Variants in GPR89B observed in about 807,000 individuals in gnomAD.
GPR89B encodes the protein golgi pH regulator B.
Under a neutral mutation model 52.4 loss-of-function variants are expected in GPR89B, and 25 were observed. That is an observed-to-expected ratio of 0.48 (90% CI 0.35 to 0.67). The LOEUF is 0.67. GPR89B is among the 30% of genes least tolerant of loss of function. The probability of loss-of-function intolerance (pLI) is 0.01; values close to 1 mark genes in which losing one functional copy is unlikely to be tolerated. For missense variants in GPR89B, 146 were observed against 450.2 expected, an observed-to-expected ratio of 0.32 and a Z score of 6.11; for synonymous variants, 52 against 151.2, an observed-to-expected ratio of 0.34 and a Z score of 4.81.
At chr1:147,961,817 A>G (rs1308174361) in intron 7 of GPR89B, among the ~76,000 whole-genome samples, 4 of 152,094 alleles carry the variant, frequency 2.6e-5, no homozygotes, top group African/African-American at 7.3e-5. Context: ...AAAAAATCAA[A>G]TAAGATATAA....
In GPR89B at chr1:147,952,171, A is replaced by G. The variant is rs367562848; in HGVS notation, c.416-1174A>G. On this transcript the variant is annotated intron_variant, in intron 5 of 13. Coordinates refer to ENST00000314163, the MANE Select transcript of GPR89B (RefSeq NM_016334.5). ...CCAAGGGCAAGATAAGGATTAGTCA[A>G]TAGTGTGAGAGCTCTCTTAGGTCTG... is the stretch of plus-strand genomic sequence containing the variant. 1.2e-4 allele frequency among the ~76,000 whole-genome samples: 19 copies of G among 152,258 alleles called. No individual in the cohort carries two copies. In the East Asian group the frequency reaches 1.7e-3, roughly 14 times the overall value.
chr1:147,992,463 A>G, intron 12 of GPR89B, 39 bp from the exon 13 acceptor site: 2 of 1,606,734 alleles, frequency 1.2e-6, no homozygotes, highest in Non-Finnish European at 1.7e-6. Flanking sequence ...ACAGGAATCT[A>G]ACAGTACTGC....
At chr1:147,930,766 G>A (rs1259119743) in intron 1 of GPR89B, among the ~76,000 whole-genome samples, 2 of 151,758 alleles carry the variant, frequency 1.3e-5, no homozygotes, top group African/African-American at 4.8e-5. Context: ...TTATTGATGG[G>A]ACCCTGGCTC....
At chr1:147,988,747 C>T (rs1417683828) in intron 12 of GPR89B, among the ~76,000 whole-genome samples, 1 of 150,776 alleles carries the variant, frequency 6.6e-6, no homozygotes, top group African/African-American at 2.4e-5. Flanking sequence ...GCCTGTAGTC[C>T]CAACTACTTG....
chr1:147,995,491 G>A (rs1659295512), downstream of GPR89B: 2 of 1,361,646 alleles, frequency 1.5e-6, no homozygotes, highest in Non-Finnish European at 2.0e-6. Context: ...TCATTTTCTA[G>A]TTTTAAAAAA....
chr1:147,973,334 C>T (rs1657611166), intron 10 of GPR89B, among the ~76,000 whole-genome samples: 1 of 152,044 alleles, frequency 6.6e-6, no homozygotes, highest in African/African-American at 2.4e-5. Context: ...TGTTTCTTGA[C>T]TTTTTAATAA....
Position 147,928,843 on chromosome 1 carries a change from G to T in GPR89B, c.42+265G>T, listed in dbSNP as rs1260566440. The T allele has an allele frequency of 3.9e-5, 7 of 178,342 alleles. No homozygotes were observed. The Admixed American group carries it at 4.6e-4, about 12-fold the overall frequency. 11.0% of individuals were successfully genotyped at this position (178,342 alleles called of 1,614,324 possible). A position where few individuals can be genotyped will look rare whatever the true frequency, so the allele number is the denominator to read the frequency against. ...GGTCCACTTTTGGAAGCGGTCCGCC[G>T]ACCTCCAGGCTAAGAGCCGGCGCCG... On this transcript the variant is annotated intron_variant, in intron 1 of 13. Transcript: ENST00000314163.
At chr1:148,016,029 G>A in the GPR89B span, among the ~76,000 whole-genome samples, 3 of 148,362 alleles carry the variant, frequency 2.0e-5, no homozygotes, top group Admixed American at 6.7e-5. Context: ...TTGCTTTTAC[G>A]CATGTTATAA....
intron 5 of GPR89B, among the ~76,000 whole-genome samples, chr1:147,952,034 T>C (rs1655754475): frequency 6.6e-6 from 1 of 151,966 alleles, no homozygotes; most frequent in Non-Finnish European, 1.5e-5. Context: ...AGAGTGAAGG[T>C]AGTTTATGGC....
At chr1:147,956,524 C>T (rs1656127025) in intron 7 of GPR89B, among the ~76,000 whole-genome samples, 1 of 151,418 alleles carries the variant, frequency 6.6e-6, no homozygotes, top group East Asian at 1.9e-4. Context: ...ATGAACATTC[C>T]AAAAATGAAA....
chr1:147,986,458 A>G (rs1215706699), intron 11 of GPR89B, among the ~76,000 whole-genome samples, 164 bp downstream of exon 11: 1 of 152,036 alleles, frequency 6.6e-6, no homozygotes, highest in African/African-American at 2.4e-5. Context: ...TTATATTTTG[A>G]TGTATTCACA....
chr1:147,958,354 G>T lies in GPR89B; in HGVS notation c.617+3952G>T, dbSNP rs1320900192. On this transcript the variant is annotated intron_variant, in intron 7 of 13. Coordinates refer to ENST00000314163, the MANE Select transcript of GPR89B (RefSeq NM_016334.5). Reference sequence around the variant, plus strand: ...ACTGTATTTCTTTTATTCATATAAAGAAATGAATATATAAAAGTGAAGTCA... The same window carrying T: ...ACTGTATTTCTTTTATTCATATAAATAAATGAATATATAAAAGTGAAGTCA... 1.3e-5 allele frequency among the ~76,000 whole-genome samples: 2 copies of T among 151,516 alleles called. 1 individual carries two copies. The highest frequency in any genetic ancestry group is 4.9e-5 in the African/African-American group (2 of 41,044).
At chr1:147,948,858 TAAAC>T (rs1655241866) in intron 5 of GPR89B, among the ~76,000 whole-genome samples, 1 of 150,930 alleles carries the variant, frequency 6.6e-6, no homozygotes, top group African/African-American at 2.4e-5. Context: ...GGTCAGCAGA[TAAAC>T]AAGTGAACAA....
the GPR89B span, among the ~76,000 whole-genome samples, chr1:148,000,478 C>G: frequency 6.6e-6 from 1 of 152,006 alleles, no homozygotes; most frequent in South Asian, 2.1e-4. Flanking sequence ...TAATGAATTA[C>G]AGGTCCAAGA....
intron 3 of GPR89B, 124 bp downstream of exon 3, chr1:147,938,941 A>G (rs1654327907): frequency 1.6e-6 from 2 of 1,255,884 alleles, no homozygotes; most frequent in Admixed American, 2.5e-5. Flanking sequence ...AGTTTCAGTA[A>G]CTGCAATGAT....
the GPR89B span, among the ~76,000 whole-genome samples, chr1:148,004,524 C>T: frequency 3.2e-5 from 4 of 125,958 alleles, no homozygotes; most frequent in African/African-American, 1.2e-4. Flanking sequence ...CACATAGGTG[C>T]TAACTGAGCC....
At chr1:148,020,512 C>T in the GPR89B span, among the ~76,000 whole-genome samples, 1 of 151,370 alleles carries the variant, frequency 6.6e-6, no homozygotes. Flanking sequence ...GCCTCCCACC[C>T]GGGAGACCTG....
intron 10 of GPR89B, among the ~76,000 whole-genome samples, chr1:147,975,512 T>C (rs1657770242): frequency 6.6e-6 from 1 of 152,076 alleles, no homozygotes; most frequent in South Asian, 2.1e-4. Flanking sequence ...AGTGGTGATG[T>C]CCCCTTTATC....
chr1:148,012,719 A>C, the GPR89B span, among the ~76,000 whole-genome samples: 1 of 151,932 alleles, frequency 6.6e-6, no homozygotes, highest in Non-Finnish European at 1.5e-5. Flanking sequence ...ATATTCCAGG[A>C]TGTTGTGCCT....
Sources: gnomAD v4.1 joint callset for allele counts (sites outside exome capture counted in the v4.1 genomes callset) on GRCh38, gnomAD v4.1.1 for gene constraint, MANE v1.5 for transcripts, NCBI Gene and HGNC (gene_info 2026-07-23, HGNC 2026-07-21) for gene names.